Variants in RMND1 observed in about 807,000 individuals in gnomAD.
RMND1 encodes the protein required for meiotic nuclear division 1 homolog.
In RMND1, 41 loss-of-function variants were observed where a neutral mutation model predicts 54.0. That is an observed-to-expected ratio of 0.76 (90% CI 0.59 to 0.98). The LOEUF (loss-of-function observed/expected upper bound fraction) is 0.98. Ranked by LOEUF, RMND1 falls within the 50% of genes least tolerant of loss-of-function variation. The pLI is 0.00. For missense variants in RMND1, 457 were observed against 532.0 expected (o/e 0.86, Z 1.39); for synonymous variants, 183 against 181.7 (o/e 1.01, Z -0.06).
chr6:151,418,088 G>A (rs1027898689), intron 9 of RMND1, among the ~76,000 whole-genome samples: 2 of 152,098 alleles, frequency 1.3e-5, no homozygotes, highest in African/African-American at 4.8e-5. Context: ...TTACAGGTGT[G>A]AGCCACCATT....
At chr6:151,417,443 A>G (rs762541100) in intron 9 of RMND1, 44 bp from the exon 10 acceptor site, 11 of 1,459,032 alleles carry the variant, frequency 7.5e-6, no homozygotes, top group Non-Finnish European at 1.0e-5. Flanking sequence ...CTTGAATTAA[A>G]AATCATTGTT....
At chr6:151,423,156 G>C (rs1285556596) in intron 7 of RMND1, among the ~76,000 whole-genome samples, 1 of 152,198 alleles carries the variant, frequency 6.6e-6, no homozygotes, top group Non-Finnish European at 1.5e-5. Flanking sequence ...TGGAACACTA[G>C]AGTATGTTTT....
chr6:151,430,516 G>A (rs1028925190), intron 4 of RMND1, among the ~76,000 whole-genome samples: 1 of 152,134 alleles, frequency 6.6e-6, no homozygotes, highest in Non-Finnish European at 1.5e-5. Context: ...GAAATTTTTT[G>A]AGACCTTGTC....
At chr6:151,409,430 TC>T (rs1779735638) in intron 10 of RMND1, among the ~76,000 whole-genome samples, 1 of 152,106 alleles carries the variant, frequency 6.6e-6, no homozygotes, top group African/African-American at 2.4e-5. Flanking sequence ...GGCTAGAAGG[TC>T]CTCCCATGAG....
intron 8 of RMND1, among the ~76,000 whole-genome samples, chr6:151,421,587 G>C (rs1193165840): frequency 1.3e-5 from 2 of 152,024 alleles, no homozygotes; most frequent in East Asian, 3.9e-4. Flanking sequence ...TAGAAAAGCA[G>C]GGCCTCCTTT....
intron 3 of RMND1, among the ~76,000 whole-genome samples, chr6:151,433,805 T>C (rs928508774): frequency 6.6e-6 from 1 of 152,074 alleles, no homozygotes; most frequent in South Asian, 2.1e-4. Context: ...TGCAGCCACC[T>C]GCAACTATTT....
At chr6:151,410,046 C>T (rs1263735644) in intron 10 of RMND1, among the ~76,000 whole-genome samples, 1 of 147,574 alleles carries the variant, frequency 6.8e-6, no homozygotes, top group Non-Finnish European at 1.5e-5. Context: ...AACCCCGCTA[C>T]TCTTTGTTCC....
At chr6:151,412,467 T>C (rs1228174759) in intron 10 of RMND1, among the ~76,000 whole-genome samples, 1 of 152,170 alleles carries the variant, frequency 6.6e-6, no homozygotes, top group Non-Finnish European at 1.5e-5. Flanking sequence ...CTAACTTGTT[T>C]TTAACAAAGA....
chr6:151,438,389 G>A (rs1183394589), intron 2 of RMND1, among the ~76,000 whole-genome samples: 1 of 152,192 alleles, frequency 6.6e-6, no homozygotes, highest in Non-Finnish European at 1.5e-5. Context: ...AGTTTGGGCT[G>A]AAGTGGGAAG....
intron 4 of RMND1, among the ~76,000 whole-genome samples, chr6:151,430,812 A>G (rs1037169742): frequency 6.6e-6 from 1 of 152,160 alleles, no homozygotes; most frequent in Non-Finnish European, 1.5e-5. Flanking sequence ...TAGTAAATAA[A>G]AACAGGAGCT....
chr6:151,417,809 CA>C, intron 9 of RMND1, among the ~76,000 whole-genome samples: 1 of 148,078 alleles, frequency 6.8e-6, no homozygotes, highest in East Asian at 2.0e-4. Flanking sequence ...ATTTTGTTTT[CA>C]ATTTTTTTTT....
intron 4 of RMND1, 24 bp from the exon 5 acceptor site, chr6:151,430,201 C>T (rs924657534): frequency 1.9e-6 from 3 of 1,543,900 alleles, no homozygotes; most frequent in Non-Finnish European, 1.8e-6. Flanking sequence ...ATAAAAGAAA[C>T]AACTAAGATA....
chr6:151,446,082 T>C (rs541530363), intron 1 of RMND1: 19 of 360,290 alleles, frequency 5.3e-5, no homozygotes, highest in African/African-American at 3.1e-4. Context: ...TTAAAAAAAA[T>C]AGTGATGGGA....
intron 3 of RMND1, among the ~76,000 whole-genome samples, chr6:151,434,022 T>A (rs1347716702): frequency 6.7e-6 from 1 of 149,922 alleles, no homozygotes; most frequent in Non-Finnish European, 1.5e-5. Flanking sequence ...AGTTTTTGTT[T>A]ATGTTTTGTA....
intron 6 of RMND1, among the ~76,000 whole-genome samples, chr6:151,424,550 T>G (rs188246990): frequency 6.6e-6 from 1 of 151,896 alleles, no homozygotes; most frequent in East Asian, 1.9e-4. Context: ...TAATAGTCAC[T>G]CCACACAAGA....
chr6:151,406,157 T>G (rs1033977868), intron 10 of RMND1, among the ~76,000 whole-genome samples: 1 of 152,208 alleles, frequency 6.6e-6, no homozygotes, highest in Non-Finnish European at 1.5e-5. Flanking sequence ...ATAATGTTTT[T>G]TAGCAAGACC....
chr6:151,421,617 C>G (rs1046591873), intron 8 of RMND1, among the ~76,000 whole-genome samples: 1 of 152,084 alleles, frequency 6.6e-6, no homozygotes, highest in East Asian at 1.9e-4. Flanking sequence ...AATTAGATTA[C>G]TCTTTCACAA....
chr6:151,430,059 A>G lies in RMND1; in HGVS notation c.729+79T>C, dbSNP rs1780410321. 4 of 860,050 alleles carry G rather than the reference A, an allele frequency of 4.7e-6. No individual in the cohort carries two copies. The Admixed American group carries it at 8.1e-5, about 17-fold the overall frequency. The allele number at this position is 860,050 out of a possible 1,614,324, so 53.3% of individuals were successfully genotyped here. ...GCATAATCTATTAATTTCCCTTCTA[A>G]TGTTTCAGTATGTGCTAATTAACAA... On this transcript the variant is annotated intron_variant, in intron 5 of 11. Coordinates refer to ENST00000444024, the MANE Select transcript of RMND1 (RefSeq NM_017909.4).
At chr6:151,415,896 G>C (rs937639738) in intron 10 of RMND1, among the ~76,000 whole-genome samples, 3 of 152,076 alleles carry the variant, frequency 2.0e-5, no homozygotes, top group Admixed American at 1.3e-4. Context: ...CACTGCCAGG[G>C]GTTAGGGACA....
Sources: allele counts gnomAD v4.1 joint callset (sites outside exome capture counted in the v4.1 genomes callset), GRCh38; gene constraint gnomAD v4.1.1; transcripts MANE v1.5; gene names NCBI Gene and HGNC (gene_info 2026-07-23, HGNC 2026-07-21).